Variants in GARRE1 observed in about 807,000 individuals in gnomAD.
GARRE1 encodes the protein granule associated Rac and RHOG effector protein 1.
Under a neutral mutation model 103.2 loss-of-function variants are expected in GARRE1, and 49 were observed. That is an observed-to-expected ratio of 0.47 (90% CI 0.38 to 0.60). The LOEUF is 0.60. Ranked by LOEUF, GARRE1 falls within the 20% of genes least tolerant of loss-of-function variation. GARRE1 has a pLI of 0.00. For missense variants in GARRE1, 1,199 were observed against 1,370.5 expected, an observed-to-expected ratio of 0.87 and a Z score of 1.98; for synonymous variants, 505 against 532.8, an observed-to-expected ratio of 0.95 and a Z score of 0.72.
intron 1 of GARRE1, among the ~76,000 whole-genome samples, chr19:34,265,268 T>C (rs2073744773): frequency 6.6e-6 from 1 of 152,200 alleles, no homozygotes; most frequent in Non-Finnish European, 1.5e-5. Flanking sequence ...TGGGGAAAGC[T>C]GGCTTGGCTC....
At chr19:34,283,192 A>G (rs774387267) in intron 1 of GARRE1, among the ~76,000 whole-genome samples, 1 of 152,174 alleles carries the variant, frequency 6.6e-6, no homozygotes, top group Non-Finnish European at 1.5e-5. Context: ...TATTCTCTGT[A>G]TTCACAAATC....
intron 1 of GARRE1, among the ~76,000 whole-genome samples, chr19:34,293,249 G>A (rs2073927809): frequency 6.6e-6 from 1 of 152,040 alleles, no homozygotes; most frequent in Non-Finnish European, 1.5e-5. Flanking sequence ...AAATGTTAAT[G>A]ACTAATAACA....
At position 34,341,286 on chromosome 19, in the gene GARRE1, A is replaced by G. The variant is rs976573281; in HGVS notation, c.1488-136A>G. ...TCCAAACCCCTGGGTGTTCATTTAT[A>G]TATAAAATAAGTGAACCCGATACCA... On this transcript the variant is annotated intron_variant, in intron 9 of 13. Transcript: ENST00000299505. 4.1e-5 allele frequency: 28 copies of G among 689,452 alleles called. No homozygotes were observed. The East Asian group carries it at 6.8e-4, about 17-fold the overall frequency. The allele number at this position is 689,452 out of a possible 1,614,324, so 42.7% of individuals were successfully genotyped here. A position where few individuals can be genotyped will look rare whatever the true frequency, so the allele number is the denominator to read the frequency against.
intron 2 of GARRE1, among the ~76,000 whole-genome samples, chr19:34,319,631 C>T (rs1172304127): frequency 6.6e-6 from 1 of 151,890 alleles, no homozygotes; most frequent in Non-Finnish European, 1.5e-5. Context: ...GGGGTGGAGA[C>T]AGGATTGGGG....
chr19:34,342,228 C>T lies in GARRE1; in HGVS notation c.2294C>T (p.Ala765Val), dbSNP rs1185331831. Residue 765 changes from alanine (A) to valine (V), a missense_variant, in exon 10 of 14, where the codon GCG (alanine) becomes GTG (valine). Physicochemically the swap from Ala to Val is moderately conservative, Grantham distance 64 (BLOSUM62 0). Coordinates refer to ENST00000299505, the MANE Select transcript of GARRE1 (RefSeq NM_014686.5). ...KWVHGSSQQP[A>V]QAVGAGLSPL... ...GTACATGGCTCATCCCAGCAGCCAG[C>T]GCAGGCTGTTGGAGCAGGTCTGTCT... 3.7e-6 allele frequency: 6 copies of T among 1,614,248 alleles called. No homozygotes were observed. Among genetic ancestry groups the T allele is most frequent in the Admixed American group, 1.7e-5 (1 of 60,026 alleles).
chr19:34,325,213 G>A (rs1217827253), intron 3 of GARRE1, among the ~76,000 whole-genome samples: 1 of 152,116 alleles, frequency 6.6e-6, no homozygotes, highest in African/African-American at 2.4e-5. Context: ...AGTTTCTCCA[G>A]GCTCAGTTCT....
intron 10 of GARRE1, among the ~76,000 whole-genome samples, chr19:34,347,127 C>T (rs1269488308): frequency 2.0e-5 from 3 of 150,044 alleles, no homozygotes; most frequent in South Asian, 2.1e-4. Flanking sequence ...CTCACTCTTT[C>T]GCCCAGACTG....
chr19:34,270,745 A>G (rs978182895), intron 1 of GARRE1, among the ~76,000 whole-genome samples: 3 of 152,220 alleles, frequency 2.0e-5, no homozygotes, highest in African/African-American at 4.8e-5. Context: ...GAAAGTTTGT[A>G]TCATCTCCCC....
intron 1 of GARRE1, among the ~76,000 whole-genome samples, chr19:34,261,321 C>T (rs550810413): frequency 2.0e-5 from 3 of 151,960 alleles, no homozygotes; most frequent in Non-Finnish European, 4.4e-5. Context: ...GCGTGCTACC[C>T]GGCACCTGTG....
chr19:34,266,223 C>T (rs1437450475), intron 1 of GARRE1, among the ~76,000 whole-genome samples: 4 of 152,218 alleles, frequency 2.6e-5, no homozygotes, highest in Non-Finnish European at 5.9e-5. Flanking sequence ...TGGAGGTGAA[C>T]CACTGCGGGC....
At position 34,342,029 on chromosome 19, in the gene GARRE1, C is replaced by T. The variant is rs2074188097; in HGVS notation, c.2095C>T (p.Pro699Ser). Residue 699 changes from proline to serine, a missense_variant, in exon 10 of 14, where the codon CCA (proline) becomes TCA (serine). Transcript: ENST00000299505. The stretch of plus-strand genomic sequence containing the variant: ...GCAGCCGTCACTGCCTGTGCCCCCT[C>T]CACCACGGGCACCCCAGGCTGGGGC... ...PQQPSLPVPP[P>S]PRAPQAGAHT... is the part of the protein sequence containing the mutation. The T allele has an allele frequency of 1.2e-6, 2 of 1,614,116 alleles. No homozygotes were observed. Among genetic ancestry groups the T allele is most frequent in the Non-Finnish European group, 1.7e-6 (2 of 1,180,026 alleles).
chr19:34,272,922 G>A (rs1423592387), intron 1 of GARRE1, among the ~76,000 whole-genome samples: 1 of 152,170 alleles, frequency 6.6e-6, no homozygotes, highest in Non-Finnish European at 1.5e-5. Flanking sequence ...TTGATAACAC[G>A]GCCAGGTGTG....
chr19:34,339,933 G>A lies in GARRE1; in HGVS notation c.1428G>A (p.Leu476=), dbSNP rs1189858677. 6 of 1,613,908 alleles carry A rather than the reference G, an allele frequency of 3.7e-6. No homozygotes were observed. The highest frequency in any genetic ancestry group is 1.7e-5 in the Admixed American group (1 of 59,984). The change falls in exon 9 of 14, where the codon CTG becomes CTA. Residue 476 remains leucine, a synonymous_variant. Transcript: ENST00000299505. ...GAAGCCTTGATCCTGAGAAGACCCT[G>A]GGTCTAGTGGACGTGCTCTACACAG... The part of the protein sequence containing the change: ...LQRSLDPEKT[L]GLVDVLYTAV...
intron 3 of GARRE1, among the ~76,000 whole-genome samples, chr19:34,320,785 G>T (rs1284980338): frequency 1.3e-5 from 2 of 150,104 alleles, no homozygotes; most frequent in Non-Finnish European, 3.0e-5. Context: ...GCAGTGCTGC[G>T]ATCAAGTCTC....
rs200857596 is a variant in GARRE1, at chr19:34,319,874, A to G, written c.496-33A>G. ...TGCGCGAATCCAACAGCAACCCACA[A>G]CCTAAACATCCCTGGCTGTCTTGTT... On this transcript the variant is annotated intron_variant, in intron 2 of 13. Coordinates refer to ENST00000299505, the MANE Select transcript of GARRE1 (RefSeq NM_014686.5). The G allele has an allele frequency of 1.7e-4, 274 of 1,600,036 alleles. 2 individuals are homozygous for G. The Middle Eastern group carries it at 6.6e-3, about 39-fold the overall frequency.
chr19:34,299,750 A>G lies in GARRE1; in HGVS notation c.-724A>G, dbSNP rs2073966866. The G allele has an allele frequency of 6.6e-6, 1 of 152,226 alleles. No homozygotes were observed. Among genetic ancestry groups the G allele is most frequent in the Non-Finnish European group, 1.5e-5 (1 of 68,048 alleles). The allele number at this position is 152,226 out of a possible 1,614,324, so 9.4% of individuals were successfully genotyped here. On this transcript the variant is annotated 5_prime_UTR_variant, in exon 2 of 14. Coordinates refer to ENST00000299505, the MANE Select transcript of GARRE1 (RefSeq NM_014686.5). Reference sequence around the variant, plus strand: ...AGACTTTACAACTGAGGGCCAGCCCAGTCTGGAAGCATCTCTTATTAATGT... The same window carrying G: ...AGACTTTACAACTGAGGGCCAGCCCGGTCTGGAAGCATCTCTTATTAATGT...
chr19:34,327,385 C>A lies in GARRE1; in HGVS notation c.706-36C>A, dbSNP rs77717706. The stretch of plus-strand genomic sequence containing the variant: ...GTCTAATGTTGCTAGAACTGTACCA[C>A]CCTCTTTTACCTACCAGTTACTATA... On this transcript the variant is annotated intron_variant, in intron 3 of 13. Coordinates refer to ENST00000299505, the MANE Select transcript of GARRE1 (RefSeq NM_014686.5). The A allele has an allele frequency of 3.5e-4, 567 of 1,606,576 alleles. 3 individuals are homozygous for A. The African/African-American group carries it at 4.5e-3, about 13-fold the overall frequency.
intron 1 of GARRE1, among the ~76,000 whole-genome samples, chr19:34,262,520 T>C (rs960722604): frequency 3.9e-5 from 6 of 151,946 alleles, no homozygotes; most frequent in African/African-American, 1.4e-4. Flanking sequence ...GGTCTGGAAC[T>C]CCTGACCTCA....
At chr19:34,292,011 A>G (rs1042475768) in intron 1 of GARRE1, among the ~76,000 whole-genome samples, 1 of 152,084 alleles carries the variant, frequency 6.6e-6, no homozygotes, top group Non-Finnish European at 1.5e-5. Flanking sequence ...GGCATGTGCC[A>G]CCATACCTGG....
Sources: gnomAD v4.1 joint callset for allele counts (sites outside exome capture counted in the v4.1 genomes callset) on GRCh38, gnomAD v4.1.1 for gene constraint, MANE v1.5 for transcripts, NCBI Gene and HGNC (gene_info 2026-07-23, HGNC 2026-07-21) for gene names.